ZC3HAV1: variants seen among roughly 807,000 people sequenced by gnomAD.
ZC3HAV1 encodes zinc finger CCCH-type antiviral protein 1.
In ZC3HAV1, 41 loss-of-function variants were observed where a neutral mutation model predicts 86.6. That is an observed-to-expected ratio of 0.47 (90% CI 0.37 to 0.61). ZC3HAV1 has a LOEUF of 0.61. Among genes scored for constraint, ZC3HAV1 ranks in the 20% least tolerant of loss-of-function variants. The pLI is 0.00. For synonymous variants in ZC3HAV1, 421 were observed against 432.1 expected (o/e 0.97, Z 0.32); for missense variants, 964 against 1,141.1 (o/e 0.84, Z 2.24).
In ZC3HAV1 at chr7:139,064,800, C is replaced by A. The variant is rs879575245; in HGVS notation, c.1993+79G>T. Reference sequence around the variant, plus strand: ...TTGACCCTGGCCATAGCAATGCATACCCACTCTGCTCCCACTCCCACGTGT... The same window carrying A: ...TTGACCCTGGCCATAGCAATGCATAACCACTCTGCTCCCACTCCCACGTGT... On this transcript the variant is annotated intron_variant, in intron 8 of 12. Coordinates refer to ENST00000242351, the MANE Select transcript of ZC3HAV1 (RefSeq NM_020119.4). The A allele has an allele frequency of 1.7e-5, 27 of 1,606,450 alleles. No homozygotes were observed. In the African/African-American group the frequency reaches 3.3e-4, roughly 20 times the overall value.
At position 139,046,989 on chromosome 7, in the gene ZC3HAV1, G is replaced by A. The variant is rs184534271; in HGVS notation, c.*605C>T. On this transcript the variant is annotated 3_prime_UTR_variant, in exon 13 of 13. Transcript: ENST00000242351. The stretch of plus-strand genomic sequence containing the variant: ...CCTTTACCAGTTACATCTGAGACAA[G>A]GTAAACTTTCCAACACATTGGAATC... 21 of 152,434 alleles carry A rather than the reference G, an allele frequency of 1.4e-4. No individual in the cohort carries two copies. The highest frequency in any genetic ancestry group is 3.9e-4 in the African/African-American group (16 of 41,552). 9.4% of individuals were successfully genotyped at this position (152,434 alleles called of 1,614,324 possible).
intron 12 of ZC3HAV1, 40 bp downstream of exon 12, chr7:139,053,411 T>C: frequency 1.3e-6 from 2 of 1,521,230 alleles, no homozygotes; most frequent in Non-Finnish European, 1.8e-6. Flanking sequence ...AAGCCCGAGT[T>C]ATGACTCTAC....
chr7:139,104,021 A>T (rs1377577039), intron 1 of ZC3HAV1, among the ~76,000 whole-genome samples: 1 of 152,228 alleles, frequency 6.6e-6, no homozygotes, highest in African/African-American at 2.4e-5. Context: ...TGAGAAAAAA[A>T]TAACCTTAGG....
chr7:139,077,210 C>T (rs1255916476), intron 5 of ZC3HAV1, among the ~76,000 whole-genome samples: 4 of 152,118 alleles, frequency 2.6e-5, no homozygotes, highest in African/African-American at 4.8e-5. Flanking sequence ...ACTTACTTCA[C>T]GCAGTTTTCC....
intron 1 of ZC3HAV1, among the ~76,000 whole-genome samples, chr7:139,101,740 T>C (rs1343794543): frequency 1.1e-4 from 17 of 151,638 alleles, no homozygotes; most frequent in Non-Finnish European, 1.6e-4. Flanking sequence ...ACATGTGCTG[T>C]GTCCACTCAG....
chr7:139,062,652 C>G (rs1326901388), intron 8 of ZC3HAV1, among the ~76,000 whole-genome samples: 1 of 152,194 alleles, frequency 6.6e-6, no homozygotes, highest in African/African-American at 2.4e-5. Context: ...TGTATCCCAG[C>G]ACCCACAACA....
At chr7:139,101,688 C>T (rs1817777207) in intron 1 of ZC3HAV1, among the ~76,000 whole-genome samples, 1 of 150,912 alleles carries the variant, frequency 6.6e-6, no homozygotes, top group South Asian at 2.1e-4. Flanking sequence ...CCTTGGGATG[C>T]TGTTGATCTA....
chr7:139,074,303 T>C (rs985953221), intron 6 of ZC3HAV1, among the ~76,000 whole-genome samples: 1 of 152,246 alleles, frequency 6.6e-6, no homozygotes, highest in African/African-American at 2.4e-5. Flanking sequence ...AAACTCCTGA[T>C]TGGCTCAATG....
At position 139,080,156 on chromosome 7, in the gene ZC3HAV1, G is replaced by A. The variant is rs761084907; in HGVS notation, c.785C>T (p.Ala262Val). Residue 262 changes from alanine (A) to valine (V), a missense_variant, in exon 4 of 13, where the codon GCG (alanine) becomes GTG (valine). By Grantham distance (64) the Ala-to-Val change is moderately conservative (BLOSUM62 0). Coordinates refer to ENST00000242351, the MANE Select transcript of ZC3HAV1 (RefSeq NM_020119.4). Reference sequence around the variant, plus strand: ...CCTCTCAGCAGACGCTGAAGCAGACGCAAGAAATTCTTGGCTGCCCTGAAA... The same window carrying A: ...CCTCTCAGCAGACGCTGAAGCAGACACAAGAAATTCTTGGCTGCCCTGAAA... ...RFFQGSQEFLASASASAERSC... is the reference protein window; with the variant it reads ...RFFQGSQEFLVSASASAERSC... 5.0e-6 allele frequency: 8 copies of A among 1,614,134 alleles called. No homozygotes were observed. The highest frequency in any genetic ancestry group is 4.5e-5 in the East Asian group (2 of 44,878).
chr7:139,065,628 G>A (rs564518633), intron 7 of ZC3HAV1, among the ~76,000 whole-genome samples: 1 of 152,260 alleles, frequency 6.6e-6, no homozygotes, highest in East Asian at 1.9e-4. Flanking sequence ...TGAGGTGGCC[G>A]GGTGCAGTGG....
intron 9 of ZC3HAV1, chr7:139,060,347 A>G (rs1400019841): frequency 1.0e-6 from 1 of 985,522 alleles, no homozygotes; most frequent in Non-Finnish European, 1.2e-6. Context: ...ATGTTCATGA[A>G]CAATGTAGAG....
intron 1 of ZC3HAV1, among the ~76,000 whole-genome samples, chr7:139,099,446 G>T (rs1034835137): frequency 6.6e-6 from 1 of 152,132 alleles, no homozygotes; most frequent in Non-Finnish European, 1.5e-5. Flanking sequence ...GACACAAAAG[G>T]CCACATATTA....
At chr7:139,070,355 C>T (rs1265231065) in intron 7 of ZC3HAV1, among the ~76,000 whole-genome samples, 3 of 151,976 alleles carry the variant, frequency 2.0e-5, no homozygotes, top group South Asian at 2.1e-4. Context: ...AATGTCCCAG[C>T]GAGAACTTTG....
chr7:139,073,539 G>A (rs993000732), intron 7 of ZC3HAV1, among the ~76,000 whole-genome samples: 1 of 151,984 alleles, frequency 6.6e-6, no homozygotes, highest in East Asian at 1.9e-4. Context: ...CCCCCAGGCT[G>A]GAATGCAGTG....
chr7:139,084,977 CG>C (rs1317820012), intron 2 of ZC3HAV1, among the ~76,000 whole-genome samples: 2 of 152,166 alleles, frequency 1.3e-5, no homozygotes, highest in Non-Finnish European at 2.9e-5. Flanking sequence ...CATGGATAAT[CG>C]CTAAAACCTG....
rs375847014 is a variant in ZC3HAV1 at position 139,053,522 on chromosome 7, T to A, written c.2378A>T (p.Tyr793Phe). 1.1e-5 allele frequency: 18 copies of A among 1,605,494 alleles called. No individual in the cohort carries two copies. The African/African-American group carries it at 2.4e-4, about 22-fold the overall frequency. The change falls in exon 12 of 13, where the codon TAT becomes TTT. Residue 793 changes from tyrosine to phenylalanine, a missense_variant. Physicochemically the swap from Tyr to Phe is conservative, Grantham distance 22. Transcript: ENST00000242351. ...KLLFYATSRA[Y>F]VESICSNNFD... ...ATTATTCGAACAGATAGATTCCACA[T>A]AGGCACGGCTTGTCGCATAAAATAG... is the stretch of plus-strand genomic sequence containing the variant.
At chr7:139,069,942 C>T (rs1554441543) in intron 7 of ZC3HAV1, among the ~76,000 whole-genome samples, 1 of 152,150 alleles carries the variant, frequency 6.6e-6, no homozygotes, top group Non-Finnish European at 1.5e-5. Flanking sequence ...CAAGGCAGGT[C>T]ACCAAAGAGC....
At chr7:139,065,780 T>C (rs1816582903) in intron 7 of ZC3HAV1, among the ~76,000 whole-genome samples, 1 of 152,092 alleles carries the variant, frequency 6.6e-6, no homozygotes. Context: ...GGCATGCACC[T>C]GTAGTCCCAG....
At chr7:139,099,598 C>T (rs1376791621) in intron 1 of ZC3HAV1, among the ~76,000 whole-genome samples, 1 of 152,166 alleles carries the variant, frequency 6.6e-6, no homozygotes, top group Non-Finnish European at 1.5e-5. Flanking sequence ...TGAAAATGTT[C>T]TGGAATTCCA....
Sources: gnomAD v4.1 joint callset for allele counts (sites outside exome capture counted in the v4.1 genomes callset) on GRCh38, gnomAD v4.1.1 for gene constraint, MANE v1.5 for transcripts, NCBI Gene and HGNC (gene_info 2026-07-23, HGNC 2026-07-21) for gene names.